CELF2: variants seen among roughly 807,000 people sequenced by gnomAD.
CELF2 encodes CUGBP Elav-like family member 2, also known as CUG triplet repeat RNA-binding protein 2.
A neutral mutation model predicts 62.6 loss-of-function variants in CELF2; 8 were observed. That is an observed-to-expected ratio of 0.13 (90% CI 0.07 to 0.23). CELF2 has a LOEUF of 0.23. Among genes scored for constraint, CELF2 ranks in the 10% least tolerant of loss-of-function variants. The pLI is 1.00. For missense variants in CELF2, 333 were observed against 671.0 expected (o/e 0.50, Z 5.56); for synonymous variants, 258 against 250.0 (o/e 1.03, Z -0.30).
At chr10:10,750,263 G>A in the CELF2 span, among the ~76,000 whole-genome samples, 19,367 of 150,978 alleles carry the variant, frequency 0.13, 1,479 homozygotes, top group East Asian at 0.27. Flanking sequence ...GCCTGGCGAC[G>A]GAGTGAAACT....
At chr10:10,713,472 G>C in the CELF2 span, among the ~76,000 whole-genome samples, 23 of 152,322 alleles carry the variant, frequency 1.5e-4, no homozygotes, top group Non-Finnish European at 2.9e-4. Flanking sequence ...ATGCTGCTGA[G>C]TAAGGCAACT....
the CELF2 span, among the ~76,000 whole-genome samples, chr10:10,751,677 C>A: frequency 6.6e-6 from 1 of 152,106 alleles, no homozygotes; most frequent in Non-Finnish European, 1.5e-5. Flanking sequence ...CATTGCTAAC[C>A]CCTGGTCACA....
At chr10:10,721,744 A>G in the CELF2 span, among the ~76,000 whole-genome samples, 1 of 152,120 alleles carries the variant, frequency 6.6e-6, no homozygotes, top group African/African-American at 2.4e-5. Context: ...ATCACTAAAC[A>G]CAGTCAGTTA....
chr10:11,037,727 C>T (rs1242870790), intron 1 of CELF2, among the ~76,000 whole-genome samples: 4 of 152,154 alleles, frequency 2.6e-5, no homozygotes, highest in African/African-American at 9.7e-5. Flanking sequence ...GTGAAGGTTC[C>T]TCGTGGCCTA....
chr10:10,955,217 G>A (rs769484499), intron 2 of CELF2, among the ~76,000 whole-genome samples: 14 of 152,228 alleles, frequency 9.2e-5, no homozygotes, highest in Non-Finnish European at 1.9e-4. Flanking sequence ...TCAAGGCCAC[G>A]TGGCTAAGAA....
rs901633169 is a variant in CELF2, at chr10:11,075,668, C to T, written c.74+57505C>T. On this transcript the variant is annotated intron_variant, in intron 1 of 12. Transcript: ENST00000633077. The surrounding 1 kb of genome is among the most constrained non-coding windows in gnomAD (Gnocchi z 5.4). ...CGTTCACTTAGAGACTTGTCTTTGG[C>T]GGATAAAGTGTTTGCAGCCAAGCAG... is the stretch of plus-strand genomic sequence containing the variant. Among the ~76,000 whole-genome samples the T allele has an allele frequency of 2.6e-5, 4 of 151,968 alleles. No individual in the cohort carries two copies. The highest frequency in any genetic ancestry group is 4.8e-5 in the African/African-American group (2 of 41,376).
Position 11,270,236 on chromosome 10 carries a change from G to A in CELF2, c.619-430G>A, listed in dbSNP as rs12257426. On this transcript the variant is annotated intron_variant, in intron 6 of 12. Coordinates refer to ENST00000633077, the MANE Select transcript of CELF2 (RefSeq NM_001326342.2). This position sits in a 1 kb window ranked among gnomAD's most constrained non-coding sequence, Gnocchi z 5.8. ...ATGAATGAGAGACATGGCCATTCCC[G>A]TTACAGATTCTCCCCTTTGTCCTCT... 0.01 allele frequency among the ~76,000 whole-genome samples: 1,596 copies of A among 152,166 alleles called. 29 individuals carry two copies. Among genetic ancestry groups the A allele is most frequent in the African/African-American group, 0.036 (1,484 of 41,434 alleles).
chr10:10,649,272 C>T, the CELF2 span, among the ~76,000 whole-genome samples: 3 of 152,180 alleles, frequency 2.0e-5, no homozygotes, highest in Non-Finnish European at 4.4e-5. Context: ...TTGCCTTGAG[C>T]ATCTCAGGGT....
chr10:11,154,362 A>G (rs1416831362), intron 1 of CELF2, among the ~76,000 whole-genome samples: 1 of 152,250 alleles, frequency 6.6e-6, no homozygotes, highest in Non-Finnish European at 1.5e-5. Context: ...TTTGGTACTG[A>G]TTTCATCTTA....
At chr10:11,187,941 C>G (rs74115756) in intron 2 of CELF2, among the ~76,000 whole-genome samples, 1 of 152,146 alleles carries the variant, frequency 6.6e-6, no homozygotes, top group African/African-American at 2.4e-5. Context: ...TGCTCCGTTC[C>G]TTTGTGTAGA....
chr10:10,621,755 A>T, the CELF2 span, among the ~76,000 whole-genome samples: 1 of 152,220 alleles, frequency 6.6e-6, no homozygotes, highest in Non-Finnish European at 1.5e-5. Context: ...TATATTTATT[A>T]AGAGATAGCA....
the CELF2 span, among the ~76,000 whole-genome samples, chr10:10,683,351 G>A: frequency 6.6e-6 from 1 of 152,160 alleles, no homozygotes; most frequent in Non-Finnish European, 1.5e-5. Flanking sequence ...TATTAATAGC[G>A]ATTTCATTCA....
the CELF2 span, among the ~76,000 whole-genome samples, chr10:10,702,645 C>G: frequency 2.6e-5 from 4 of 152,216 alleles, no homozygotes; most frequent in Non-Finnish European, 5.9e-5. Flanking sequence ...AGTACCATGG[C>G]ACAATCCTGG....
rs1693273778 is a variant in CELF2 at position 11,211,805 on chromosome 10, A to AGC, written c.272-5619_272-5618insCG. On this transcript the variant is annotated intron_variant, in intron 2 of 12. Coordinates refer to ENST00000633077, the MANE Select transcript of CELF2 (RefSeq NM_001326342.2). The surrounding 1 kb of genome is among the most constrained non-coding windows in gnomAD (Gnocchi z 4.8). ...GTGTATGTGTGTGAGAGAGAGAGAG[A>AGC]GAGAGAGAGTGTGTGTGTGTGTGTG... 8.3e-6 allele frequency among the ~76,000 whole-genome samples: 1 copy of AGC among 119,856 alleles called. No homozygotes were observed. The highest frequency in any genetic ancestry group is 3.8e-5 in the African/African-American group (1 of 26,650). 78.6% of individuals were successfully genotyped at this position (119,856 alleles called of 152,430 possible).
At chr10:10,927,254 AAACTT>A (rs1400348575) in intron 2 of CELF2, 4 of 150,946 alleles carry the variant, frequency 2.6e-5, no homozygotes, top group African/African-American at 9.8e-5. Flanking sequence ...GCATAAACTT[AAACTT>A]AATGTGGCCA....
the CELF2 span, among the ~76,000 whole-genome samples, chr10:10,659,673 C>A: frequency 6.6e-6 from 1 of 152,186 alleles, no homozygotes; most frequent in East Asian, 1.9e-4. Flanking sequence ...ACAGAATTGA[C>A]TTCCAGACAC....
chr10:10,779,899 T>C, the CELF2 span, among the ~76,000 whole-genome samples: 41 of 152,170 alleles, frequency 2.7e-4, no homozygotes, highest in African/African-American at 9.2e-4. Flanking sequence ...GTGAAATATC[T>C]CCCAGAGACC....
At chr10:10,754,890 C>T in the CELF2 span, among the ~76,000 whole-genome samples, 3 of 152,332 alleles carry the variant, frequency 2.0e-5, no homozygotes, top group East Asian at 1.9e-4. Context: ...AGCAAGCCAT[C>T]GGCGTCAGTC....
the CELF2 span, among the ~76,000 whole-genome samples, chr10:10,519,317 A>G: frequency 9.2e-5 from 14 of 152,214 alleles, no homozygotes; most frequent in African/African-American, 3.4e-4. Flanking sequence ...TAAATCTTCT[A>G]TGCAAATGAA....
Sources: gnomAD v4.1 joint callset for allele counts (sites outside exome capture counted in the v4.1 genomes callset) on GRCh38, gnomAD v4.1.1 for gene constraint, Gnocchi (gnomAD v3.1) non-coding constraint, MANE v1.5 for transcripts, NCBI Gene and HGNC (gene_info 2026-07-23, HGNC 2026-07-21) for gene names.